HSP90B1: variants seen among roughly 807,000 people sequenced by gnomAD.
HSP90B1 encodes the protein heat shock protein 90 beta family member 1, also known as endoplasmin.
Under a neutral mutation model 100.4 loss-of-function variants are expected in HSP90B1, and 27 were observed. The ratio of observed to expected loss-of-function variants is 0.27; its 90% confidence interval spans 0.20 to 0.37. HSP90B1 has a LOEUF of 0.37. Among genes scored for constraint, HSP90B1 ranks in the 10% least tolerant of loss-of-function variants. HSP90B1 has a pLI of 1.00. For missense variants in HSP90B1, 678 were observed against 960.5 expected, an observed-to-expected ratio of 0.71 and a Z score of 3.89; for synonymous variants, 304 against 330.8, an observed-to-expected ratio of 0.92 and a Z score of 0.88.
In HSP90B1 at chr12:103,939,496, A is replaced by G. The variant is rs770320858; in HGVS notation, c.976-13A>G. The stretch of plus-strand genomic sequence containing the variant: ...TGCTGAGAGAGACTAATCAAATACT[A>G]TAATAACTTCAGGTTGAAAAAACTG... On this transcript the variant is annotated splice_polypyrimidine_tract_variant and intron_variant, in intron 7 of 17. Transcript: ENST00000299767. The G allele has an allele frequency of 4.7e-6, 6 of 1,269,856 alleles. No homozygotes were observed. The highest frequency in any genetic ancestry group is 3.1e-5 in the African/African-American group (2 of 65,538). 78.7% of individuals were successfully genotyped at this position (1,269,856 alleles called of 1,614,324 possible).
At position 103,942,706 on chromosome 12, in the gene HSP90B1, A is replaced by G. The variant is rs200418863; in HGVS notation, c.1554A>G (p.Pro518=). ...TTAGGTTCCAGTCTTCTCATCATCC[A>G]ACTGACATTACTAGCCTAGACCAGT... is the stretch of plus-strand genomic sequence containing the variant. The part of the protein sequence containing the change: ...KLLRFQSSHH[P]TDITSLDQYV... Residue 518 remains proline, a synonymous_variant, in exon 12 of 18, where the codon CCA becomes CCG. Coordinates refer to ENST00000299767, the MANE Select transcript of HSP90B1 (RefSeq NM_003299.3). The G allele has an allele frequency of 1.9e-5, 30 of 1,613,840 alleles. No individual in the cohort carries two copies. The highest frequency in any genetic ancestry group is 2.5e-5 in the Non-Finnish European group (30 of 1,179,848).
intron 4 of HSP90B1, 41 bp downstream of exon 4, chr12:103,932,983 AATCCTTAAAGGTAGAGG>A (rs1299014361): frequency 9.7e-7 from 1 of 1,035,086 alleles, no homozygotes; most frequent in Non-Finnish European, 1.5e-6. Context: ...AAGGAAAAGG[AATCCTTAAAGGTAGAGG>A]ATCCCTATCA....
intron 11 of HSP90B1, among the ~76,000 whole-genome samples, chr12:103,942,326 A>C (rs1009580025): frequency 2.6e-5 from 4 of 152,222 alleles, no homozygotes; most frequent in African/African-American, 9.6e-5. Context: ...ATAAACATTA[A>C]GGCAATCTTG....
chr12:103,942,997 T>C, intron 12 of HSP90B1, 77 bp from the exon 13 acceptor site: 1 of 1,558,136 alleles, frequency 6.4e-7, no homozygotes, highest in South Asian at 1.2e-5. Flanking sequence ...TAATAATGTA[T>C]AAACATAGCA....
intron 14 of HSP90B1, among the ~76,000 whole-genome samples, chr12:103,944,448 C>T (rs1166935248): frequency 6.6e-6 from 1 of 152,188 alleles, no homozygotes; most frequent in African/African-American, 2.4e-5. Context: ...CAGCAATGAT[C>T]TTGAAAATGA....
At chr12:103,933,257 A>G (rs1473059697) in intron 4 of HSP90B1, among the ~76,000 whole-genome samples, 2 of 152,236 alleles carry the variant, frequency 1.3e-5, no homozygotes, top group Non-Finnish European at 2.9e-5. Context: ...CTTTACAGAA[A>G]AAGTTTGCCA....
Position 103,930,456 on chromosome 12 carries a change from GT to G in HSP90B1, c.-59del. The G allele has an allele frequency of 8.6e-7, 1 of 1,168,290 alleles. No individual in the cohort carries two copies. The allele number at this position is 1,168,290 out of a possible 1,614,324, so 72.4% of individuals were successfully genotyped here. A position where few individuals can be genotyped will look rare whatever the true frequency, so the allele number is the denominator to read the frequency against. ...GAGGTGTGAGGATCCGAACCCAGGG[GT>G]GGGGGGTGGAGGCGGCTCCTGCGAT... On this transcript the variant is annotated 5_prime_UTR_variant, in exon 1 of 18. Coordinates refer to ENST00000299767, the MANE Select transcript of HSP90B1 (RefSeq NM_003299.3). This position sits in a 1 kb window ranked among gnomAD's most constrained non-coding sequence, Gnocchi z 4.4.
chr12:103,946,387 T>C (rs527820352), intron 14 of HSP90B1, among the ~76,000 whole-genome samples: 1 of 152,282 alleles, frequency 6.6e-6, no homozygotes, highest in Non-Finnish European at 1.5e-5. Context: ...AAGAATACGG[T>C]ATTTTCTATC....
chr12:103,943,409 T>A lies in HSP90B1; in HGVS notation c.1890+90T>A. 3 of 1,227,464 alleles carry A rather than the reference T, an allele frequency of 2.4e-6. No homozygotes were observed. Among genetic ancestry groups the A allele is most frequent in the Non-Finnish European group, 3.5e-6 (3 of 854,806 alleles). The allele number at this position is 1,227,464 out of a possible 1,614,324, so 76.0% of individuals were successfully genotyped here. ...AACAAATTAAGCTGCAGCTGGTTAC[T>A]TTGTAACCATTAGAATGGTAAAAAT... On this transcript the variant is annotated intron_variant, in intron 13 of 17. Coordinates refer to ENST00000299767, the MANE Select transcript of HSP90B1 (RefSeq NM_003299.3). This position sits in a 1 kb window ranked among gnomAD's most constrained non-coding sequence, Gnocchi z 5.3.
intron 5 of HSP90B1, 100 bp downstream of exon 5, chr12:103,934,387 T>C (rs946082723): frequency 1.1e-6 from 1 of 941,408 alleles, no homozygotes; most frequent in African/African-American, 1.7e-5. Context: ...GGGCCTTAAT[T>C]TTCCTGCCTT....
chr12:103,940,223 ATGT>A (rs1051831606), intron 8 of HSP90B1, among the ~76,000 whole-genome samples: 87 of 152,348 alleles, frequency 5.7e-4, no homozygotes, highest in African/African-American at 2.0e-3. Context: ...ACATGAAATC[ATGT>A]TGTTAAGTGG....
Position 103,947,659 on chromosome 12 carries a change from G to A in HSP90B1, c.2409G>A (p.Leu803=), listed in dbSNP as rs749342892. The part of the protein sequence containing the change: ...AKESTAEKDE[L] ...AATCTACAGCTGAAAAAGATGAATT[G>A]TAAATTATACTCTCACCATTTGGAT... The change falls in exon 18 of 18, where the codon TTG becomes TTA. Residue 803 remains leucine, a synonymous_variant. Coordinates refer to ENST00000299767, the MANE Select transcript of HSP90B1 (RefSeq NM_003299.3). The A allele has an allele frequency of 6.3e-6, 10 of 1,593,264 alleles. No individual in the cohort carries two copies. Among genetic ancestry groups the A allele is most frequent in the Non-Finnish European group, 8.6e-6 (10 of 1,163,756 alleles).
chr12:103,934,010 A>G lies in HSP90B1; in HGVS notation c.466A>G (p.Arg156Gly). 6.2e-7 allele frequency: 1 copy of G among 1,614,250 alleles called. No individual in the cohort carries two copies. The highest frequency in any genetic ancestry group is 1.1e-5 in the South Asian group (1 of 91,090). The change falls in exon 5 of 18, where the codon AGA (arginine) becomes GGA (glycine). Residue 156 changes from arginine (R) to glycine (G), a missense_variant. This residue lies in a region of HSP90B1 where 238 missense variants were observed against 346.7 expected (regional missense o/e 0.69). Transcript: ENST00000299767. ...CACAGACACCGGTGTAGGAATGACC[A>G]GAGAAGAGTTGGTTAAAAACCTTGG... The part of the protein sequence containing the change: ...HVTDTGVGMT[R>G]EELVKNLGTI...
Position 103,930,451 on chromosome 12 carries a change from C to A in HSP90B1, c.-65C>A. On this transcript the variant is annotated 5_prime_UTR_variant, in exon 1 of 18. Coordinates refer to ENST00000299767, the MANE Select transcript of HSP90B1 (RefSeq NM_003299.3). This position sits in a 1 kb window ranked among gnomAD's most constrained non-coding sequence, Gnocchi z 4.4. ...GGCTGGAGGTGTGAGGATCCGAACC[C>A]AGGGGTGGGGGGTGGAGGCGGCTCC... 3 of 1,505,334 alleles carry A rather than the reference C, an allele frequency of 2.0e-6. No individual in the cohort carries two copies. The highest frequency in any genetic ancestry group is 1.8e-6 in the Non-Finnish European group (2 of 1,112,028). The allele number at this position is 1,505,334 out of a possible 1,614,324, so 93.2% of individuals were successfully genotyped here.
rs1870279937 is a variant in HSP90B1, at chr12:103,947,672, T to C, written c.*10T>C. The C allele has an allele frequency of 1.3e-6, 2 of 1,593,300 alleles. No individual in the cohort carries two copies. Among genetic ancestry groups the C allele is most frequent in the African/African-American group, 1.3e-5 (1 of 74,318 alleles). On this transcript the variant is annotated 3_prime_UTR_variant, in exon 18 of 18. Transcript: ENST00000299767. ...AAAAGATGAATTGTAAATTATACTCTCACCATTTGGATCCTGTGTGGAGAG... is the reference window on the plus strand; with the variant it reads ...AAAAGATGAATTGTAAATTATACTCCCACCATTTGGATCCTGTGTGGAGAG...
In HSP90B1 at chr12:103,942,478, A is replaced by G. The variant is rs776796958; in HGVS notation, c.1375-49A>G. 12 of 1,572,712 alleles carry G rather than the reference A, an allele frequency of 7.6e-6. No individual in the cohort carries two copies. In the East Asian group the frequency reaches 1.6e-4, roughly 21 times the overall value. On this transcript the variant is annotated intron_variant, in intron 11 of 17. Coordinates refer to ENST00000299767, the MANE Select transcript of HSP90B1 (RefSeq NM_003299.3). Reference sequence around the variant, plus strand: ...CCTGCCTGGGTACCTTACATTCTCAAAAGTTGGAGATTAACTTCTCTAATC... The same window carrying G: ...CCTGCCTGGGTACCTTACATTCTCAGAAGTTGGAGATTAACTTCTCTAATC...
Position 103,934,019 on chromosome 12 carries a change from T to C in HSP90B1, c.475T>C (p.Leu159=), listed in dbSNP as rs1365034485. 7 of 1,613,730 alleles carry C rather than the reference T, an allele frequency of 4.3e-6. No homozygotes were observed. The South Asian group carries it at 4.4e-5, about 10-fold the overall frequency. The change falls in exon 5 of 18, where the codon TTG becomes CTG. Residue 159 remains leucine (L), a synonymous_variant. Coordinates refer to ENST00000299767, the MANE Select transcript of HSP90B1 (RefSeq NM_003299.3). ...CGGTGTAGGAATGACCAGAGAAGAG[T>C]TGGTTAAAAACCTTGGTACCATAGC... is the stretch of plus-strand genomic sequence containing the variant. ...DTGVGMTREE[L]VKNLGTIAKS...
At position 103,932,808 on chromosome 12, in the gene HSP90B1, C is replaced by A; in HGVS notation, c.295-18C>A. 1 of 1,242,662 alleles carries A rather than the reference C, an allele frequency of 8.0e-7. No individual in the cohort carries two copies. Among genetic ancestry groups the A allele is most frequent in the Non-Finnish European group, 1.2e-6 (1 of 842,536 alleles). 77.0% of individuals were successfully genotyped at this position (1,242,662 alleles called of 1,614,324 possible). The stretch of plus-strand genomic sequence containing the variant: ...TCTTGAGGATAGTCTAAGTGTATTC[C>A]CTCTGGCTTCCATTTAGATTTTCCT... On this transcript the variant is annotated intron_variant, in intron 3 of 17. Coordinates refer to ENST00000299767, the MANE Select transcript of HSP90B1 (RefSeq NM_003299.3).
intron 8 of HSP90B1, among the ~76,000 whole-genome samples, 182 bp downstream of exon 8, chr12:103,939,807 T>G (rs553886850): frequency 3.0e-4 from 46 of 152,348 alleles, no homozygotes; most frequent in Non-Finnish European, 1.5e-5. Flanking sequence ...TCTGGTTTAT[T>G]GACCTAGTCA....
Sources: gnomAD v4.1 joint callset for allele counts (sites outside exome capture counted in the v4.1 genomes callset) on GRCh38, gnomAD v4.1.1 for gene constraint, gnomAD v4.1.1 regional missense constraint, Gnocchi (gnomAD v3.1) non-coding constraint, MANE v1.5 for transcripts, NCBI Gene and HGNC (gene_info 2026-07-23, HGNC 2026-07-21) for gene names.